HERC3: variants seen among roughly 807,000 people sequenced by gnomAD.
The protein encoded by HERC3 is HECT and RLD domain containing E3 ubiquitin protein ligase 3, also known as probable E3 ubiquitin-protein ligase HERC3.
In HERC3, 58 loss-of-function variants were observed where a neutral mutation model predicts 129.9. The ratio of observed to expected loss-of-function variants is 0.45; its 90% CI spans 0.36 to 0.56. HERC3 has a LOEUF of 0.56. Ranked by LOEUF, HERC3 falls within the 20% of genes least tolerant of loss-of-function variation. The pLI, the probability that HERC3 is intolerant of heterozygous loss-of-function variation, is 0.00. For synonymous variants in HERC3, 430 were observed against 451.0 expected (o/e 0.95, Z 0.59); for missense variants, 835 against 1,244.2 (o/e 0.67, Z 4.95).
the HERC3 span, chr4:88,527,659 A>T: frequency 1.0e-5 from 3 of 287,606 alleles, no homozygotes; most frequent in Non-Finnish European, 2.0e-5. Flanking sequence ...CCCCTCCCTC[A>T]TGCCGGGCAA....
the HERC3 span, among the ~76,000 whole-genome samples, chr4:88,576,565 G>A: frequency 6.6e-6 from 1 of 152,188 alleles, no homozygotes; most frequent in South Asian, 2.1e-4. Context: ...CATCCTTAAG[G>A]TTTTGACTTA....
chr4:88,598,743 C>T (rs779362133), intron 2 of HERC3, among the ~76,000 whole-genome samples: 2 of 152,266 alleles, frequency 1.3e-5, no homozygotes, highest in African/African-American at 2.4e-5. Context: ...TCACAGCTAA[C>T]GTGGTTAATG....
chr4:88,571,977 G>T, the HERC3 span, among the ~76,000 whole-genome samples: 1 of 152,132 alleles, frequency 6.6e-6, no homozygotes, highest in Non-Finnish European at 1.5e-5. Context: ...AGGTAATTAA[G>T]TTAAAGTAAG....
chr4:88,670,840 G>A (rs547640482), intron 16 of HERC3, among the ~76,000 whole-genome samples: 3 of 152,194 alleles, frequency 2.0e-5, no homozygotes, highest in Admixed American at 1.3e-4. Context: ...GAGTTCAAGA[G>A]TGACTCTTTA....
At chr4:88,676,895 C>T (rs529553322) in intron 18 of HERC3, among the ~76,000 whole-genome samples, 1 of 152,176 alleles carries the variant, frequency 6.6e-6, no homozygotes, top group South Asian at 2.1e-4. Flanking sequence ...ATAATCCTAA[C>T]ACTTTGGGAG....
chr4:88,549,477 A>G, the HERC3 span, among the ~76,000 whole-genome samples: 1 of 152,014 alleles, frequency 6.6e-6, no homozygotes, highest in African/African-American at 2.4e-5. Context: ...TTTCCCCTTT[A>G]TGGAGTCCCC....
the HERC3 span, among the ~76,000 whole-genome samples, chr4:88,561,940 C>A: frequency 1.3e-5 from 2 of 152,136 alleles, no homozygotes; most frequent in South Asian, 4.1e-4. Context: ...ATTGTGAATA[C>A]TGCTTCAATA....
chr4:88,552,399 C>T, the HERC3 span, among the ~76,000 whole-genome samples: 21,227 of 152,038 alleles, frequency 0.14, 1,756 homozygotes, highest in Admixed American at 0.23. Context: ...ATTACAGGCA[C>T]GTGCCACCAT....
chr4:88,548,310 C>T, the HERC3 span, among the ~76,000 whole-genome samples: 4 of 152,158 alleles, frequency 2.6e-5, no homozygotes, highest in South Asian at 8.3e-4. Context: ...TTTATCTCTA[C>T]CAGCAGTATA....
At chr4:88,586,904 C>T in the HERC3 span, among the ~76,000 whole-genome samples, 21 of 151,994 alleles carry the variant, frequency 1.4e-4, no homozygotes, top group Admixed American at 1.1e-3. Context: ...TTAAAATGAA[C>T]CTTGAGGTTA....
chr4:88,536,185 G>A, the HERC3 span, among the ~76,000 whole-genome samples: 1 of 152,258 alleles, frequency 6.6e-6, no homozygotes, highest in African/African-American at 2.4e-5. Flanking sequence ...TTCTCTCACT[G>A]TGGCCACTTC....
At chr4:88,561,545 A>G in the HERC3 span, among the ~76,000 whole-genome samples, 4 of 152,116 alleles carry the variant, frequency 2.6e-5, no homozygotes, top group Non-Finnish European at 5.9e-5. Flanking sequence ...TTATTTTAAA[A>G]TGAACAATAA....
chr4:88,557,859 C>G, the HERC3 span, among the ~76,000 whole-genome samples: 1 of 151,780 alleles, frequency 6.6e-6, no homozygotes, highest in Admixed American at 6.6e-5. Context: ...GAGTTCGAGA[C>G]CAGCCTGACC....
At chr4:88,623,272 G>A (rs575563771) in intron 3 of HERC3, among the ~76,000 whole-genome samples, 2 of 152,230 alleles carry the variant, frequency 1.3e-5, no homozygotes, top group East Asian at 3.9e-4. Flanking sequence ...ATTTTTTGTT[G>A]TGAATCACTG....
At chr4:88,531,212 A>AT in the HERC3 span, among the ~76,000 whole-genome samples, 27 of 151,516 alleles carry the variant, frequency 1.8e-4, no homozygotes, top group Non-Finnish European at 3.7e-4. Flanking sequence ...TTTTTTTAAA[A>AT]TTTTTTAATT....
intron 23 of HERC3, among the ~76,000 whole-genome samples, chr4:88,691,888 A>G (rs867762498): frequency 6.6e-6 from 1 of 152,276 alleles, no homozygotes; most frequent in African/African-American, 2.4e-5. Flanking sequence ...AGTTGTATAC[A>G]CAGATACTTC....
intron 12 of HERC3, among the ~76,000 whole-genome samples, chr4:88,664,944 G>T (rs978305710): frequency 1.3e-5 from 2 of 152,128 alleles, no homozygotes; most frequent in Non-Finnish European, 2.9e-5. Flanking sequence ...GGAACCTGAT[G>T]CAGCAAAAGA....
intron 23 of HERC3, among the ~76,000 whole-genome samples, chr4:88,691,716 G>A (rs1295950433): frequency 6.6e-6 from 1 of 152,072 alleles, no homozygotes; most frequent in Non-Finnish European, 1.5e-5. Flanking sequence ...AGTACATTGA[G>A]GTCCTGGTAA....
At chr4:88,630,366 GAT>G (rs1726604988) in intron 3 of HERC3, among the ~76,000 whole-genome samples, 1 of 152,140 alleles carries the variant, frequency 6.6e-6, no homozygotes. Context: ...AGTCATTTAA[GAT>G]ATTTTAAAGC....
Sources: gnomAD v4.1 joint callset for allele counts (sites outside exome capture counted in the v4.1 genomes callset) on GRCh38, gnomAD v4.1.1 for gene constraint, MANE v1.5 for transcripts, NCBI Gene and HGNC (gene_info 2026-07-23, HGNC 2026-07-21) for gene names.